Variants in AUH observed in about 807,000 individuals in gnomAD.
AUH encodes methylglutaconyl-CoA hydratase, mitochondrial.
A neutral mutation model predicts 42.3 loss-of-function variants in AUH; 29 were observed. The observed-to-expected ratio is 0.69, with a 90% CI of 0.51 to 0.93. AUH has a LOEUF of 0.93. Among genes scored for constraint, AUH ranks in the 40% least tolerant of loss-of-function variants. AUH has a pLI of 0.00. For missense variants in AUH, 452 were observed against 438.1 expected, an observed-to-expected ratio of 1.03 and a Z score of -0.28; for synonymous variants, 174 against 166.4, an observed-to-expected ratio of 1.05 and a Z score of -0.35.
At chr9:91,342,521 CT>C (rs1369884457) in intron 3 of AUH, among the ~76,000 whole-genome samples, 1 of 152,126 alleles carries the variant, frequency 6.6e-6, no homozygotes, top group East Asian at 1.9e-4. Context: ...GATCCATTAA[CT>C]TTTTTAAGAT....
intron 6 of AUH, among the ~76,000 whole-genome samples, chr9:91,233,598 T>C (rs754044634): frequency 2.0e-5 from 3 of 152,158 alleles, no homozygotes; most frequent in African/African-American, 4.8e-5. Flanking sequence ...GCAACAGGAA[T>C]GCGTATGCCA....
chr9:91,222,970 A>T (rs1377032311), intron 6 of AUH, among the ~76,000 whole-genome samples: 2 of 152,176 alleles, frequency 1.3e-5, no homozygotes. Context: ...TTATAGCATG[A>T]TCCTGAGGTA....
chr9:91,297,899 G>T, intron 5 of AUH, 85 bp downstream of exon 5: 2 of 1,101,934 alleles, frequency 1.8e-6, no homozygotes, highest in Non-Finnish European at 2.7e-6. Flanking sequence ...ACAACAGGAA[G>T]CAGAATAAAA....
chr9:91,261,876 G>C (rs927182582), intron 6 of AUH, among the ~76,000 whole-genome samples: 2 of 152,108 alleles, frequency 1.3e-5, no homozygotes, highest in African/African-American at 4.8e-5. Flanking sequence ...CTGTTACTCT[G>C]TTACTTTCTA....
intron 6 of AUH, among the ~76,000 whole-genome samples, chr9:91,251,589 G>A (rs1829129602): frequency 6.6e-6 from 1 of 152,164 alleles, no homozygotes; most frequent in Non-Finnish European, 1.5e-5. Flanking sequence ...AGCTCCCAAA[G>A]AGCCTGTAAA....
intron 6 of AUH, among the ~76,000 whole-genome samples, chr9:91,292,273 CTTTT>C (rs1017680283): frequency 1.5e-5 from 2 of 130,986 alleles, no homozygotes; most frequent in African/African-American, 5.6e-5. Flanking sequence ...TGGGAACCCT[CTTTT>C]TTTTTTTTTT....
At chr9:91,333,427 CTGGAT>C (rs1194606975) in intron 3 of AUH, among the ~76,000 whole-genome samples, 1 of 152,112 alleles carries the variant, frequency 6.6e-6, no homozygotes, top group Non-Finnish European at 1.5e-5. Flanking sequence ...AAGTTTTCTT[CTGGAT>C]TGAATTTTCA....
intron 4 of AUH, among the ~76,000 whole-genome samples, chr9:91,322,919 A>C (rs1829692761): frequency 6.6e-6 from 1 of 152,240 alleles, no homozygotes; most frequent in Non-Finnish European, 1.5e-5. Context: ...AGGCTAAATA[A>C]GGCAAACGCT....
At chr9:91,221,391 T>C (rs1827127390) in intron 6 of AUH, among the ~76,000 whole-genome samples, 1 of 152,230 alleles carries the variant, frequency 6.6e-6, no homozygotes, top group African/African-American at 2.4e-5. Context: ...TCAGCTTAAA[T>C]AAATCTTAAC....
intron 3 of AUH, among the ~76,000 whole-genome samples, chr9:91,348,310 G>C (rs1171713108): frequency 6.6e-6 from 1 of 152,194 alleles, no homozygotes. Context: ...TCCGTTGCTA[G>C]TGGGAATGCA....
chr9:91,259,751 G>A (rs1829608725), intron 6 of AUH, among the ~76,000 whole-genome samples: 1 of 151,696 alleles, frequency 6.6e-6, no homozygotes, highest in African/African-American at 2.4e-5. Context: ...TATGTCTTTC[G>A]GTTTTTTATT....
intron 9 of AUH, 138 bp downstream of exon 9, chr9:91,215,921 A>G: frequency 1.2e-6 from 1 of 861,776 alleles, no homozygotes; most frequent in Non-Finnish European, 1.9e-6. Flanking sequence ...TAGCAGAAAC[A>G]ACTAATTTCA....
chr9:91,230,739 A>T (rs1024575424), intron 6 of AUH, among the ~76,000 whole-genome samples: 17 of 152,220 alleles, frequency 1.1e-4, no homozygotes, highest in Non-Finnish European at 2.2e-4. Flanking sequence ...TTTGGTGTGG[A>T]TGTCCTTTCT....
intron 4 of AUH, among the ~76,000 whole-genome samples, chr9:91,308,015 G>T (rs1413617795): frequency 2.6e-5 from 4 of 152,070 alleles, no homozygotes; most frequent in Non-Finnish European, 4.4e-5. Flanking sequence ...ATGATGATAA[G>T]GTAGTACCAA....
At chr9:91,275,896 A>G (rs1229492873) in intron 6 of AUH, among the ~76,000 whole-genome samples, 1 of 152,182 alleles carries the variant, frequency 6.6e-6, no homozygotes, top group African/African-American at 2.4e-5. Context: ...CATCATGGAG[A>G]TGTGCCAAAT....
chr9:91,244,357 T>G (rs1828681668), intron 6 of AUH, among the ~76,000 whole-genome samples: 1 of 152,220 alleles, frequency 6.6e-6, no homozygotes, highest in African/African-American at 2.4e-5. Flanking sequence ...GGGGGATAAC[T>G]TCACAAAATT....
chr9:91,294,628 A>G (rs551917873), intron 6 of AUH: 1 of 448,606 alleles, frequency 2.2e-6, no homozygotes, highest in East Asian at 7.0e-5. Flanking sequence ...GATCTGGGCA[A>G]ATTAAATTGA....
At chr9:91,238,510 G>A (rs1175070564) in intron 6 of AUH, among the ~76,000 whole-genome samples, 1 of 152,140 alleles carries the variant, frequency 6.6e-6, no homozygotes, top group Non-Finnish European at 1.5e-5. Flanking sequence ...CTCTCACTAA[G>A]GGAAAATGAA....
intron 4 of AUH, among the ~76,000 whole-genome samples, 189 bp downstream of exon 4, chr9:91,325,129 C>G (rs1829879274): frequency 6.6e-6 from 1 of 151,956 alleles, no homozygotes; most frequent in African/African-American, 2.4e-5. Context: ...CATAAGACAT[C>G]TGTAATTATT....
Sources: gnomAD v4.1 joint callset for allele counts (sites outside exome capture counted in the v4.1 genomes callset) on GRCh38, gnomAD v4.1.1 for gene constraint, MANE v1.5 for transcripts, NCBI Gene and HGNC (gene_info 2026-07-23, HGNC 2026-07-21) for gene names.